The following NEK11 variants were observed in gnomAD, a reference collection of about 807,000 sequenced individuals.
NEK11 encodes the protein serine/threonine-protein kinase Nek11.
NEK11 carries 72 observed loss-of-function variants against 80.7 expected under a neutral mutation model. That is an observed-to-expected ratio of 0.89 (90% CI 0.74 to 1.08). The LOEUF is 1.08. NEK11 is among the 50% of genes least tolerant of loss of function. The pLI, the probability that NEK11 is intolerant of heterozygous loss-of-function variation, is 0.00. For synonymous variants in NEK11, 251 were observed against 260.7 expected (o/e 0.96, Z 0.36); for missense variants, 764 against 763.6 (o/e 1.00, Z -0.01).
At position 131,109,839 on chromosome 3, in the gene NEK11, C is replaced by G. The variant is rs1207376876; in HGVS notation, c.373C>G (p.Gln125Glu). 11 of 1,604,590 alleles carry G rather than the reference C, an allele frequency of 6.9e-6. No homozygotes were observed. Among genetic ancestry groups the G allele is most frequent in the Non-Finnish European group, 9.3e-6 (11 of 1,176,848 alleles). ...GGACGATAAAATTCAGGAATATAAA[C>G]AAGCTGGAAAAATCTTTCCAGAAAA... ...DLDDKIQEYK[Q>E]AGKIFPENQI... The change falls in exon 5 of 18, where the codon CAA becomes GAA. Residue 125 changes from glutamine (Q) to glutamate (E), a missense_variant. Physicochemically the swap from Gln to Glu is conservative, Grantham distance 29. Transcript: ENST00000383366.
chr3:131,266,721 T>C (rs2108567304), intron 16 of NEK11, among the ~76,000 whole-genome samples: 1 of 152,360 alleles, frequency 6.6e-6, no homozygotes, highest in Middle Eastern at 3.4e-3. Context: ...GTCTATTAGG[T>C]CTGCCTGGTC....
At chr3:131,102,554 C>T (rs2078544994) in intron 4 of NEK11, among the ~76,000 whole-genome samples, 1 of 152,196 alleles carries the variant, frequency 6.6e-6, no homozygotes, top group African/African-American at 2.4e-5. Flanking sequence ...TGCTGCTAGC[C>T]TGATGGGTTT....
intron 3 of NEK11, chr3:131,053,910 A>G (rs1054067056): frequency 1.3e-5 from 2 of 152,268 alleles, no homozygotes; most frequent in Non-Finnish European, 2.9e-5. Flanking sequence ...ACAACTGACA[A>G]GATTATTATA....
intron 14 of NEK11, among the ~76,000 whole-genome samples, chr3:131,204,497 CATAG>C (rs1238973646): frequency 6.6e-6 from 1 of 152,088 alleles, no homozygotes; most frequent in Non-Finnish European, 1.5e-5. Flanking sequence ...TCTCCAGTGT[CATAG>C]ATAGATATTG....
At chr3:131,296,472 A>G (rs1409922339) in intron 17 of NEK11, among the ~76,000 whole-genome samples, 1 of 152,118 alleles carries the variant, frequency 6.6e-6, no homozygotes, top group Non-Finnish European at 1.5e-5. Context: ...TTCATTTAAC[A>G]TTTCTTGCAA....
At chr3:131,096,083 G>A (rs1195469671) in intron 4 of NEK11, among the ~76,000 whole-genome samples, 2 of 152,074 alleles carry the variant, frequency 1.3e-5, no homozygotes, top group Admixed American at 1.3e-4. Context: ...ACATATTTTT[G>A]TTATAGAGGG....
chr3:131,344,922 A>G (rs1048452091), intron 17 of NEK11, among the ~76,000 whole-genome samples: 2 of 152,198 alleles, frequency 1.3e-5, no homozygotes, highest in Non-Finnish European at 2.9e-5. Context: ...GGAGATTACA[A>G]TTCAACATGA....
intron 3 of NEK11, among the ~76,000 whole-genome samples, chr3:131,074,693 C>T (rs4682647): frequency 0.13 from 19,425 of 152,052 alleles, 1,552 homozygotes; most frequent in Non-Finnish European, 0.17. Flanking sequence ...TGAGCTCCAC[C>T]CAGGGAAAAG....
chr3:131,228,748 C>A, intron 15 of NEK11, 60 bp downstream of exon 15: 1 of 1,504,452 alleles, frequency 6.6e-7, no homozygotes, highest in Non-Finnish European at 9.0e-7. Context: ...TGGACTCTCC[C>A]AGAGAAGAAA....
chr3:131,346,017 G>A (rs2097357681), intron 17 of NEK11, among the ~76,000 whole-genome samples: 1 of 151,346 alleles, frequency 6.6e-6, no homozygotes, highest in African/African-American at 2.4e-5. Flanking sequence ...TGAAACAACG[G>A]TTACCTCAGG....
At chr3:131,238,740 G>A (rs891809510) in intron 15 of NEK11, among the ~76,000 whole-genome samples, 10 of 152,070 alleles carry the variant, frequency 6.6e-5, no homozygotes, top group African/African-American at 1.2e-4. Context: ...ACCTGGGCGC[G>A]TTCCAGAAAC....
chr3:131,349,771 C>T lies in NEK11; in HGVS notation c.1933C>T (p.Leu645Phe). The T allele has an allele frequency of 6.2e-7, 1 of 1,608,062 alleles. No individual in the cohort carries two copies. The highest frequency in any genetic ancestry group is 8.5e-7 in the Non-Finnish European group (1 of 1,176,590). The stretch of plus-strand genomic sequence containing the variant: ...AAAAGAACCTACTCTCCAGAACCAT[C>T]TCTAGGCAACTATCAAAAAGAAGCA... ...MGKEPTLQNH[L>F] Residue 645 changes from leucine (L) to phenylalanine (F), a missense_variant, in exon 18 of 18, where the codon CTC becomes TTC. Leu to Phe is a conservative substitution (Grantham distance 22, BLOSUM62 0). Transcript: ENST00000383366.
At chr3:131,319,959 C>T (rs1581892160) in intron 17 of NEK11, among the ~76,000 whole-genome samples, 1 of 150,518 alleles carries the variant, frequency 6.6e-6, no homozygotes, top group East Asian at 1.9e-4. Context: ...AAATTCTAAA[C>T]TAAAATATTC....
intron 17 of NEK11, among the ~76,000 whole-genome samples, chr3:131,291,369 T>C (rs1290558295): frequency 6.6e-6 from 1 of 152,202 alleles, no homozygotes; most frequent in East Asian, 1.9e-4. Flanking sequence ...TTGACAACTA[T>C]AAATAAAGCT....
At chr3:131,314,263 A>C in intron 17 of NEK11, among the ~76,000 whole-genome samples, 1 of 152,190 alleles carries the variant, frequency 6.6e-6, no homozygotes, top group Non-Finnish European at 1.5e-5. Flanking sequence ...GTGGAAACTC[A>C]TGGAACAACC....
chr3:131,209,109 A>G (rs1197994343), intron 14 of NEK11, among the ~76,000 whole-genome samples: 5 of 152,268 alleles, frequency 3.3e-5, no homozygotes, highest in South Asian at 2.1e-4. Context: ...GTTTGTCATA[A>G]ATAGCTCTTA....
At chr3:131,337,780 A>G (rs1025593245) in intron 17 of NEK11, among the ~76,000 whole-genome samples, 14 of 152,150 alleles carry the variant, frequency 9.2e-5, no homozygotes, top group African/African-American at 2.7e-4. Context: ...AGCCTGAATG[A>G]GAATCAATCT....
At chr3:131,301,068 G>A (rs1422257988) in intron 17 of NEK11, among the ~76,000 whole-genome samples, 1 of 151,986 alleles carries the variant, frequency 6.6e-6, no homozygotes, top group Non-Finnish European at 1.5e-5. Context: ...GCAATGTTTT[G>A]TAATTCTCAC....
In NEK11 at chr3:131,243,453, G is replaced by A. The variant is rs201804637; in HGVS notation, c.1578G>A (p.Ala526=). 5.8e-5 allele frequency: 94 copies of A among 1,612,760 alleles called. No individual in the cohort carries two copies. The highest frequency in any genetic ancestry group is 1.6e-4 in the Middle Eastern group (1 of 6,068). ...RTNQQDSDIE[A]LARCLENVLG... is the part of the protein sequence containing the mutation. ...TTTGACAGGACAGTGATATCGAAGC[G>A]TTGGCCAGGTGTTTGGAAAATGTCC... is the stretch of plus-strand genomic sequence containing the variant. Residue 526 remains alanine (A), a synonymous_variant, in exon 16 of 18, where the codon GCG becomes GCA. Transcript: ENST00000383366.
Sources: gnomAD v4.1 joint callset for allele counts (sites outside exome capture counted in the v4.1 genomes callset) on GRCh38, gnomAD v4.1.1 for gene constraint, MANE v1.5 for transcripts, NCBI Gene and HGNC (gene_info 2026-07-23, HGNC 2026-07-21) for gene names.